COQ2: variants seen among roughly 807,000 people sequenced by gnomAD.
COQ2 encodes the protein 4-hydroxybenzoate polyprenyltransferase, mitochondrial.
A neutral mutation model predicts 35.7 loss-of-function variants in COQ2; 25 were observed. The observed-to-expected ratio is 0.70, with a 90% CI of 0.51 to 0.98. The LOEUF (loss-of-function observed/expected upper bound fraction) is 0.98, where lower values mean the gene tolerates loss of function less well. Ranked by LOEUF, COQ2 falls within the 50% of genes least tolerant of loss-of-function variation. The pLI is 0.00. For synonymous variants in COQ2, 206 were observed against 186.2 expected, an observed-to-expected ratio of 1.11 and a Z score of -0.86; for missense variants, 488 against 473.5, an observed-to-expected ratio of 1.03 and a Z score of -0.28.
At position 83,267,619 on chromosome 4, in the gene COQ2, G is replaced by T. The variant is rs780231694; in HGVS notation, c.918C>A (p.Ala306=). 6 of 1,586,570 alleles carry T rather than the reference G, an allele frequency of 3.8e-6. No homozygotes were observed. Among genetic ancestry groups the T allele is most frequent in the Admixed American group, 1.8e-5 (1 of 56,056 alleles). The change falls in exon 6 of 7, where the codon GCC becomes GCA. Residue 306 remains alanine, a synonymous_variant. Coordinates refer to ENST00000647002, the MANE Select transcript of COQ2 (RefSeq NM_001358921.2). ...NSGQTAPYYA[A]LGAVGAHLTH... ...TCAGATGGGCTCCTACAGCACCCAG[G>T]GCAGCGTAGTAGGGAGCAGTCTGTC...
At chr4:83,273,286 A>C (rs140723455) in intron 3 of COQ2, among the ~76,000 whole-genome samples, 1 of 152,254 alleles carries the variant, frequency 6.6e-6, no homozygotes, top group Non-Finnish European at 1.5e-5. Context: ...GGTTCAAAAC[A>C]AATTAAATGT....
At position 83,284,527 on chromosome 4, in the gene COQ2, A is replaced by G. The variant is rs1296497632; in HGVS notation, c.238T>C (p.Leu80=). The change falls in exon 1 of 7, where the codon TTG becomes CTG. Residue 80 remains leucine, a synonymous_variant. Coordinates refer to ENST00000647002, the MANE Select transcript of COQ2 (RefSeq NM_001358921.2). The stretch of plus-strand genomic sequence containing the variant: ...CCGCACTCACCAATGGGCTTGTCCA[A>G]CCGCATGAGGCGCAAGTACGGCTGC... ...PLQPYLRLMR[L]DKPIGTWLLY... The G allele has an allele frequency of 7.0e-6, 11 of 1,575,514 alleles. No individual in the cohort carries two copies. The Admixed American group carries it at 7.2e-5, about 10-fold the overall frequency.
At chr4:83,269,827 T>C in intron 5 of COQ2, 33 bp downstream of exon 5, 1 of 1,496,310 alleles carries the variant, frequency 6.7e-7, no homozygotes, top group Non-Finnish European at 8.9e-7. Context: ...CAGCAACAAC[T>C]AAACCAAAGT....
chr4:83,271,045 G>C (rs1348963140), intron 4 of COQ2, among the ~76,000 whole-genome samples: 1 of 152,052 alleles, frequency 6.6e-6, no homozygotes, highest in Admixed American at 6.6e-5. Context: ...GTTGCTTTTA[G>C]TTCTTTCATT....
At chr4:83,275,892 T>C (rs1265333821) in intron 2 of COQ2, among the ~76,000 whole-genome samples, 1 of 151,288 alleles carries the variant, frequency 6.6e-6, no homozygotes, top group Non-Finnish European at 1.5e-5. Context: ...TCTGGAAGGC[T>C]TATACTAAGC....
At chr4:83,276,084 AT>A (rs1560494836) in intron 2 of COQ2, among the ~76,000 whole-genome samples, 2 of 134,206 alleles carry the variant, frequency 1.5e-5, no homozygotes, top group African/African-American at 5.7e-5. Context: ...TATAATATAT[AT>A]ATACATATTC....
chr4:83,282,592 C>G (rs1735350998), intron 1 of COQ2: 1 of 908,874 alleles, frequency 1.1e-6, no homozygotes, highest in African/African-American at 1.8e-5. Context: ...TCTGTAAGTA[C>G]AATTTTCTCC....
intron 2 of COQ2, among the ~76,000 whole-genome samples, chr4:83,277,832 G>A (rs1735218988): frequency 6.6e-6 from 1 of 152,036 alleles, no homozygotes; most frequent in African/African-American, 2.4e-5. Context: ...AACCGGGCAT[G>A]GTGGTGCATG....
At chr4:83,282,023 C>T (rs1324259297) in intron 1 of COQ2, among the ~76,000 whole-genome samples, 3 of 151,260 alleles carry the variant, frequency 2.0e-5, no homozygotes, top group South Asian at 2.1e-4. Context: ...TGAAGAAAGA[C>T]GCAGAGGTAG....
chr4:83,267,503 T>C (rs1734948284), intron 6 of COQ2, 83 bp downstream of exon 6: 1 of 1,280,074 alleles, frequency 7.8e-7, no homozygotes, highest in Non-Finnish European at 1.1e-6. Context: ...CCTTGCCAGG[T>C]AAACACAGAG....
chr4:83,267,610 A>G lies in COQ2; in HGVS notation c.927T>C (p.Ala309=), dbSNP rs747026862. The G allele has an allele frequency of 3.8e-6, 6 of 1,584,000 alleles. No individual in the cohort carries two copies. The African/African-American group carries it at 5.4e-5, about 14-fold the overall frequency. Residue 309 remains alanine, a synonymous_variant, in exon 6 of 7, where the codon GCT becomes GCC. Coordinates refer to ENST00000647002, the MANE Select transcript of COQ2 (RefSeq NM_001358921.2). ...CCTGGTGAGTCAGATGGGCTCCTAC[A>G]GCACCCAGGGCAGCGTAGTAGGGAG... ...QTAPYYAALG[A]VGAHLTHQIY...
Position 83,284,506 on chromosome 4 carries a change from A to T in COQ2, c.253+6T>A, listed in dbSNP as rs1418138043. Reference sequence around the variant, plus strand: ...ATTCCCGGGCTGCCCGCCCGCCCGCACTCACCAATGGGCTTGTCCAACCGC... The same window carrying T: ...ATTCCCGGGCTGCCCGCCCGCCCGCTCTCACCAATGGGCTTGTCCAACCGC... On this transcript the variant is annotated splice_donor_region_variant and intron_variant, in intron 1 of 6. Coordinates refer to ENST00000647002, the MANE Select transcript of COQ2 (RefSeq NM_001358921.2). 6.4e-7 allele frequency: 1 copy of T among 1,564,386 alleles called. No individual in the cohort carries two copies. Among genetic ancestry groups the T allele is most frequent in the Admixed American group, 1.9e-5 (1 of 53,866 alleles).
At chr4:83,266,051 T>C (rs1322756979) in intron 6 of COQ2, among the ~76,000 whole-genome samples, 2 of 152,202 alleles carry the variant, frequency 1.3e-5, no homozygotes, top group East Asian at 3.8e-4. Flanking sequence ...TATTAACATA[T>C]ACCCATTATC....
intron 4 of COQ2, 79 bp from the exon 5 acceptor site, chr4:83,270,072 G>GTGTTCA: frequency 6.7e-7 from 1 of 1,483,886 alleles, no homozygotes; most frequent in Non-Finnish European, 9.3e-7. Flanking sequence ...GCATCGGAGT[G>GTGTTCA]TGTTCAGTGC....
In COQ2 at chr4:83,273,653, A is replaced by G. The variant is rs1336957515; in HGVS notation, c.421-36T>C. 3.1e-6 allele frequency: 5 copies of G among 1,597,516 alleles called. No homozygotes were observed. In the East Asian group the frequency reaches 1.1e-4, roughly 36 times the overall value. ...AAAAACAGATACCTTAGCTTCATGTAATGACTCAATCATTTATTTAAACAT... is the reference window on the plus strand; with the variant it reads ...AAAAACAGATACCTTAGCTTCATGTGATGACTCAATCATTTATTTAAACAT... On this transcript the variant is annotated intron_variant, in intron 2 of 6. Transcript: ENST00000647002.
At position 83,264,303 on chromosome 4, in the gene COQ2, T is replaced by C. The variant is rs757878117; in HGVS notation, c.1012A>G (p.Thr338Ala). The change falls in exon 7 of 7, where the codon ACA becomes GCA. Residue 338 changes from threonine to alanine, a missense_variant. Coordinates refer to ENST00000647002, the MANE Select transcript of COQ2 (RefSeq NM_001358921.2). ...CCTAAAAAAACTATTAGTCCCAGTG[T>C]TCGGTTGGAGATAAATTTATTCCAA... ...DCWNKFISNRTLGLIVFLGIV... is the reference protein window; with the variant it reads ...DCWNKFISNRALGLIVFLGIV... 8.1e-6 allele frequency: 13 copies of C among 1,612,572 alleles called. No homozygotes were observed. Among genetic ancestry groups the C allele is most frequent in the Non-Finnish European group, 1.1e-5 (13 of 1,179,530 alleles).
At chr4:83,279,169 T>C (rs1230721142) in intron 1 of COQ2, 55 bp from the exon 2 acceptor site, 9 of 1,488,584 alleles carry the variant, frequency 6.0e-6, no homozygotes, top group Non-Finnish European at 7.1e-6. Flanking sequence ...TTAACTGTTT[T>C]CATTTGTTTA....
At chr4:83,272,839 G>GT (rs1735079281) in intron 3 of COQ2, among the ~76,000 whole-genome samples, 1 of 152,138 alleles carries the variant, frequency 6.6e-6, no homozygotes, top group Admixed American at 6.5e-5. Flanking sequence ...GGACCTCAAA[G>GT]TTTATCTAAC....
At chr4:83,273,034 G>A (rs1735086001) in intron 3 of COQ2, among the ~76,000 whole-genome samples, 1 of 152,200 alleles carries the variant, frequency 6.6e-6, no homozygotes, top group Non-Finnish European at 1.5e-5. Context: ...AAGAGATACA[G>A]GAATGAGTCC....
Sources: allele counts gnomAD v4.1 joint callset (sites outside exome capture counted in the v4.1 genomes callset), GRCh38; gene constraint gnomAD v4.1.1; transcripts MANE v1.5; gene names NCBI Gene and HGNC (gene_info 2026-07-23, HGNC 2026-07-21).